SAMD4A: variants seen among roughly 807,000 people sequenced by gnomAD.
SAMD4A encodes protein Smaug homolog 1.
A neutral mutation model predicts 81.3 loss-of-function variants in SAMD4A; 33 were observed. The observed-to-expected ratio is 0.41, with a 90% CI of 0.31 to 0.54. The LOEUF (loss-of-function observed/expected upper bound fraction) is 0.54. Ranked by LOEUF, SAMD4A falls within the 20% of genes least tolerant of loss-of-function variation. SAMD4A has a pLI of 0.37. For missense variants in SAMD4A, 854 were observed against 951.1 expected, an observed-to-expected ratio of 0.90 and a Z score of 1.34; for synonymous variants, 389 against 382.1, an observed-to-expected ratio of 1.02 and a Z score of -0.21.
intron 2 of SAMD4A, among the ~76,000 whole-genome samples, chr14:54,661,308 T>C (rs892563472): frequency 2.0e-5 from 3 of 152,362 alleles, no homozygotes; most frequent in Admixed American, 6.5e-5. Context: ...TTCATACCTA[T>C]ATTTTAGATA....
chr14:54,600,317 C>T (rs900466765), intron 2 of SAMD4A, among the ~76,000 whole-genome samples: 1 of 152,120 alleles, frequency 6.6e-6, no homozygotes, highest in Non-Finnish European at 1.5e-5. Context: ...ACTGCCCCAC[C>T]CCTGAAATTA....
intron 2 of SAMD4A, among the ~76,000 whole-genome samples, chr14:54,636,593 G>C (rs1022060532): frequency 8.5e-5 from 13 of 152,218 alleles, no homozygotes; most frequent in Admixed American, 6.5e-4. Flanking sequence ...GATGATGGCG[G>C]CTCACACTTG....
At chr14:54,733,184 C>T (rs536150781) in intron 3 of SAMD4A, among the ~76,000 whole-genome samples, 50 of 152,238 alleles carry the variant, frequency 3.3e-4, no homozygotes, top group Non-Finnish European at 2.4e-4. Context: ...TCACACTGCC[C>T]GACTGCTGTA....
intron 2 of SAMD4A, among the ~76,000 whole-genome samples, chr14:54,701,456 T>C (rs772188554): frequency 4.6e-5 from 7 of 152,256 alleles, no homozygotes; most frequent in Non-Finnish European, 7.3e-5. Flanking sequence ...GTCCATTGCA[T>C]ATTCTAGCTT....
In SAMD4A at chr14:54,567,858, C is replaced by G. The variant is rs1164508593; in HGVS notation, c.-59C>G. 8 of 1,267,258 alleles carry G rather than the reference C, an allele frequency of 6.3e-6. No homozygotes were observed. The African/African-American group carries it at 1.7e-4, about 28-fold the overall frequency. The allele number at this position is 1,267,258 out of a possible 1,614,324, so 78.5% of individuals were successfully genotyped here. A position where few individuals can be genotyped will look rare whatever the true frequency, so the allele number is the denominator to read the frequency against. ...GCTGCGGCTCCGCCAAACTTTGGGG[C>G]GGGCGGGGCGGGCTGGGGCGCCCAG... On this transcript the variant is annotated 5_prime_UTR_variant, in exon 2 of 13. Transcript: ENST00000554335.
chr14:54,737,410 T>C, intron 4 of SAMD4A, 123 bp downstream of exon 4: 1 of 1,163,824 alleles, frequency 8.6e-7, no homozygotes, highest in Non-Finnish European at 1.2e-6. Flanking sequence ...GGCTTACGCA[T>C]TTGATCTGTC....
intron 2 of SAMD4A, among the ~76,000 whole-genome samples, chr14:54,605,411 G>T (rs1374565082): frequency 6.6e-6 from 1 of 152,188 alleles, no homozygotes; most frequent in East Asian, 1.9e-4. Flanking sequence ...TGAATTATTT[G>T]TTGCCATCTG....
intron 2 of SAMD4A, chr14:54,687,413 AC>A (rs1330268452): frequency 2.2e-6 from 1 of 452,966 alleles, no homozygotes; most frequent in Non-Finnish European, 4.4e-6. Context: ...CTTGGTGTCC[AC>A]AGCCCTGATT....
chr14:54,646,578 G>A (rs2035292552), intron 2 of SAMD4A, among the ~76,000 whole-genome samples: 1 of 152,232 alleles, frequency 6.6e-6, no homozygotes, highest in African/African-American at 2.4e-5. Flanking sequence ...TGGCCAGTTA[G>A]GCAGAATTAA....
chr14:54,776,374 G>A, intron 10 of SAMD4A, 40 bp from the exon 11 acceptor site: 2 of 1,575,760 alleles, frequency 1.3e-6, no homozygotes, highest in Non-Finnish European at 1.7e-6. Flanking sequence ...CACCCCAGTG[G>A]GGCTGAACTA....
At chr14:54,749,435 C>A (rs1464210748) in intron 5 of SAMD4A, among the ~76,000 whole-genome samples, 1 of 152,158 alleles carries the variant, frequency 6.6e-6, no homozygotes, top group Non-Finnish European at 1.5e-5. Flanking sequence ...TGCCTCAGAC[C>A]CGCCCCAACA....
At chr14:54,660,549 G>T (rs1481775513) in intron 2 of SAMD4A, among the ~76,000 whole-genome samples, 3 of 152,260 alleles carry the variant, frequency 2.0e-5, no homozygotes, top group African/African-American at 2.4e-5. Flanking sequence ...GGTCAGGAAA[G>T]ACTGGAGACA....
intron 3 of SAMD4A, among the ~76,000 whole-genome samples, chr14:54,717,191 A>C (rs952337467): frequency 6.6e-6 from 1 of 152,160 alleles, no homozygotes; most frequent in Non-Finnish European, 1.5e-5. Flanking sequence ...CTGTCATCCC[A>C]ACATTTTGGG....
intron 8 of SAMD4A, among the ~76,000 whole-genome samples, chr14:54,769,224 C>T (rs1311022094): frequency 9.2e-5 from 14 of 152,192 alleles, no homozygotes; most frequent in African/African-American, 2.9e-4. Context: ...GGTACAAACA[C>T]AAACTCTCTA....
At position 54,784,379 on chromosome 14, in the gene SAMD4A, G is replaced by A. The variant is rs565528300; in HGVS notation, c.2045-158G>A. 5.4e-5 allele frequency: 85 copies of A among 1,569,788 alleles called. No homozygotes were observed. The South Asian group carries it at 7.9e-4, about 15-fold the overall frequency. ...AGTGGACTGTGTTTAACAGACCTTA[G>A]AGGTTGGTTGAGCCTGAGTGGAGCC... On this transcript the variant is annotated intron_variant, in intron 11 of 12. Coordinates refer to ENST00000554335, the MANE Select transcript of SAMD4A (RefSeq NM_015589.6).
rs8013701 is a variant in SAMD4A at position 54,734,088 on chromosome 14, G to T, written c.716-2936G>T. 7.1e-3 allele frequency among the ~76,000 whole-genome samples: 1,084 copies of T among 152,302 alleles called. 10 individuals are homozygous for T. Among genetic ancestry groups the T allele is most frequent in the African/African-American group, 0.024 (986 of 41,558 alleles). ...AGGTAACACCAAAATCAGCTTTGTG[G>T]TCACCATTGCCTAAACCTGAAGATC... On this transcript the variant is annotated intron_variant, in intron 3 of 12. Transcript: ENST00000554335.
chr14:54,656,587 A>T, intron 2 of SAMD4A, among the ~76,000 whole-genome samples: 1 of 152,206 alleles, frequency 6.6e-6, no homozygotes, highest in Non-Finnish European at 1.5e-5. Flanking sequence ...AAGCTGCACA[A>T]ATAATAGTAA....
chr14:54,639,740 G>C (rs1273540544), intron 2 of SAMD4A, among the ~76,000 whole-genome samples: 1 of 150,724 alleles, frequency 6.6e-6, no homozygotes, highest in Non-Finnish European at 1.5e-5. Flanking sequence ...TGGATGCTAG[G>C]GATGCCTGCT....
At chr14:54,605,553 C>T (rs1275539054) in intron 2 of SAMD4A, among the ~76,000 whole-genome samples, 1 of 152,108 alleles carries the variant, frequency 6.6e-6, no homozygotes, top group Non-Finnish European at 1.5e-5. Context: ...GCAGGGAAAC[C>T]TCACAGGGAT....
Sources: allele counts gnomAD v4.1 joint callset (sites outside exome capture counted in the v4.1 genomes callset), GRCh38; gene constraint gnomAD v4.1.1; transcripts MANE v1.5; gene names NCBI Gene and HGNC (gene_info 2026-07-23, HGNC 2026-07-21).